The following HECW1 variants were observed in gnomAD, a reference collection of about 807,000 sequenced individuals.
The protein encoded by HECW1 is E3 ubiquitin-protein ligase HECW1.
A neutral mutation model predicts 182.3 loss-of-function variants in HECW1; 61 were observed. The ratio of observed to expected loss-of-function variants is 0.33; its 90% CI spans 0.27 to 0.41. The LOEUF is 0.41. Ranked by LOEUF, HECW1 falls within the 10% of genes least tolerant of loss-of-function variation. HECW1 has a pLI of 1.00. For synonymous variants in HECW1, 859 were observed against 832.6 expected, an observed-to-expected ratio of 1.03 and a Z score of -0.55; for missense variants, 1,739 against 2,108.9, an observed-to-expected ratio of 0.82 and a Z score of 3.44.
chr7:43,450,887 G>A lies in HECW1; in HGVS notation c.2458G>A (p.Glu820Lys). 6.2e-7 allele frequency: 1 copy of A among 1,613,616 alleles called. No homozygotes were observed. Among genetic ancestry groups the A allele is most frequent in the Non-Finnish European group, 8.5e-7 (1 of 1,179,590 alleles). Residue 820 changes from glutamate (E) to lysine (K), a missense_variant, in exon 12 of 30, where the codon GAA (glutamate) becomes AAA (lysine). Around this residue, in one of 5 missense-constraint regions of HECW1, gnomAD observed 971 missense variants for 1,029.1 expected, o/e 0.94. Coordinates refer to ENST00000395891, the MANE Select transcript of HECW1 (RefSeq NM_015052.5). Reference protein sequence around the residue: ...PVSQLPSLRPEHHHYPTIDEP... With the variant: ...PVSQLPSLRPKHHHYPTIDEP... The stretch of plus-strand genomic sequence containing the variant: ...AAGCCAGCTTCCTTCCCTGAGGCCT[G>A]AACATCATCACTACCCAACAATCGA...
chr7:43,270,976 A>AGG (rs111641663), intron 3 of HECW1, among the ~76,000 whole-genome samples: 2,682 of 152,284 alleles, frequency 0.018, 75 homozygotes, highest in African/African-American at 0.06. Flanking sequence ...AGAAATTGAG[A>AGG]GGTACATCAT....
Position 43,507,225 on chromosome 7 carries a change from C to G in HECW1, c.3720C>G (p.Ala1240=). 6.2e-7 allele frequency: 1 copy of G among 1,613,858 alleles called. No individual in the cohort carries two copies. Among genetic ancestry groups the G allele is most frequent in the Non-Finnish European group, 8.5e-7 (1 of 1,179,782 alleles). ...GCAATTTCTACAGAAAACTGGAAGC[C>G]AAAGGATTTGGTCAGGGTCCGGGGA... ...KLRNFYRKLE[A]KGFGQGPGKI... is the part of the protein sequence containing the mutation. Residue 1240 remains alanine, a synonymous_variant, in exon 22 of 30, where the codon GCC becomes GCG. Transcript: ENST00000395891.
chr7:43,399,412 C>T (rs2075332366), intron 7 of HECW1, among the ~76,000 whole-genome samples: 1 of 152,156 alleles, frequency 6.6e-6, no homozygotes, highest in Non-Finnish European at 1.5e-5. Flanking sequence ...TATTGAAATG[C>T]TTAAGAAATA....
At chr7:43,160,952 T>G (rs6972287) in intron 2 of HECW1, among the ~76,000 whole-genome samples, 41,612 of 151,926 alleles carry the variant, frequency 0.27, 5,819 homozygotes, top group East Asian at 0.33. Flanking sequence ...TTATTTAAAT[T>G]TTATAACATC....
chr7:43,561,753 A>T (rs1563130304), intron 29 of HECW1, 62 bp from the exon 30 acceptor site: 1 of 1,148,472 alleles, frequency 8.7e-7, no homozygotes. Flanking sequence ...AGACAGTCAC[A>T]GATCCAGAAC....
chr7:43,383,116 AT>A (rs575439832), intron 6 of HECW1, among the ~76,000 whole-genome samples: 16 of 152,108 alleles, frequency 1.1e-4, no homozygotes, highest in South Asian at 8.3e-4. Context: ...TGAACTCATT[AT>A]TTTTTTATGG....
At chr7:43,247,214 A>G (rs1438999646) in intron 3 of HECW1, among the ~76,000 whole-genome samples, 1 of 152,232 alleles carries the variant, frequency 6.6e-6, no homozygotes, top group Non-Finnish European at 1.5e-5. Context: ...AGGTAGAGGA[A>G]TGAAGGGAGG....
chr7:43,236,914 C>A (rs1258449678), intron 2 of HECW1, among the ~76,000 whole-genome samples: 2 of 151,990 alleles, frequency 1.3e-5, no homozygotes, highest in Admixed American at 1.3e-4. Context: ...GCCATAGTTG[C>A]CACCTTGAGT....
chr7:43,438,125 C>A lies in HECW1; in HGVS notation c.924C>A (p.Leu308=), dbSNP rs938152721. ...LGKLSMPVQR[L]LERHAIGDRV... ...AGCTGTCGATGCCCGTTCAAAGACT[C>A]CTGGAGAGACACGCCATAGGGTAAA... is the stretch of plus-strand genomic sequence containing the variant. Residue 308 remains leucine (L), a synonymous_variant, in exon 9 of 30, where the codon CTC becomes CTA. Transcript: ENST00000395891. 54 of 1,614,030 alleles carry A rather than the reference C, an allele frequency of 3.3e-5. No individual in the cohort carries two copies. Among genetic ancestry groups the A allele is most frequent in the Non-Finnish European group, 4.6e-5 (54 of 1,180,002 alleles).
At chr7:43,258,198 C>T (rs112883775) in intron 3 of HECW1, among the ~76,000 whole-genome samples, 30 of 151,786 alleles carry the variant, frequency 2.0e-4, no homozygotes, top group Admixed American at 1.3e-4. Flanking sequence ...AAAAATTAGC[C>T]GGGTGTGGTG....
At chr7:43,309,544 C>T (rs1808239100) in intron 3 of HECW1, among the ~76,000 whole-genome samples, 1 of 152,158 alleles carries the variant, frequency 6.6e-6, no homozygotes, top group Admixed American at 6.5e-5. Flanking sequence ...AAGAGAAAGA[C>T]CCTACAATCC....
At position 43,493,073 on chromosome 7, in the gene HECW1, G is replaced by A. The variant is rs749444329; in HGVS notation, c.3341-11G>A. On this transcript the variant is annotated splice_polypyrimidine_tract_variant and intron_variant, in intron 18 of 29. Transcript: ENST00000395891. ...CAGACTCAACCACAACTGTGCTTTT[G>A]TCTGTTTCAGCATATAATGACAAGA... 126 of 1,599,558 alleles carry A rather than the reference G, an allele frequency of 7.9e-5. No individual in the cohort carries two copies. The highest frequency in any genetic ancestry group is 1.0e-4 in the Non-Finnish European group (120 of 1,167,612).
intron 2 of HECW1, among the ~76,000 whole-genome samples, chr7:43,186,758 C>T (rs1793449961): frequency 2.0e-5 from 3 of 152,150 alleles, no homozygotes; most frequent in South Asian, 4.2e-4. Context: ...AAATACTTAC[C>T]ATTGCATTAC....
chr7:43,425,769 T>C (rs2076345189), intron 8 of HECW1, among the ~76,000 whole-genome samples: 2 of 152,144 alleles, frequency 1.3e-5, no homozygotes, highest in Non-Finnish European at 2.9e-5. Flanking sequence ...ATTAATGCCT[T>C]CAATAATAGC....
chr7:43,451,054 C>G lies in HECW1; in HGVS notation c.2500+125C>G, dbSNP rs555209930. 253 of 661,732 alleles carry G rather than the reference C, an allele frequency of 3.8e-4. 1 individual carries two copies. Among genetic ancestry groups the G allele is most frequent in the Non-Finnish European group, 5.9e-4 (223 of 379,722 alleles). 41.0% of individuals were successfully genotyped at this position (661,732 alleles called of 1,614,324 possible). Reference sequence around the variant, plus strand: ...CCGTGCCTTACAGTGTTAACAAAGACCAATATGACACCTGCTCTAAAAACT... The same window carrying G: ...CCGTGCCTTACAGTGTTAACAAAGAGCAATATGACACCTGCTCTAAAAACT... On this transcript the variant is annotated intron_variant, in intron 12 of 29. Transcript: ENST00000395891.
intron 17 of HECW1, among the ~76,000 whole-genome samples, chr7:43,490,747 G>GT (rs773240071): frequency 4.6e-5 from 7 of 151,940 alleles, no homozygotes; most frequent in Non-Finnish European, 1.0e-4. Context: ...AGCTAAGTTA[G>GT]TTTTTTTGTT....
At chr7:43,170,294 A>G (rs183678081) in intron 2 of HECW1, among the ~76,000 whole-genome samples, 2 of 152,312 alleles carry the variant, frequency 1.3e-5, no homozygotes, top group African/African-American at 4.8e-5. Flanking sequence ...TTACAATGTA[A>G]TAATAGTAGA....
At chr7:43,217,193 T>C (rs2152699947) in intron 2 of HECW1, among the ~76,000 whole-genome samples, 1 of 152,332 alleles carries the variant, frequency 6.6e-6, no homozygotes, top group Admixed American at 6.5e-5. Context: ...AATTTTTTAA[T>C]ACTGGAATAA....
At chr7:43,474,875 G>C (rs971655852) in intron 16 of HECW1, among the ~76,000 whole-genome samples, 11 of 152,186 alleles carry the variant, frequency 7.2e-5, no homozygotes, top group African/African-American at 2.7e-4. Flanking sequence ...AGTGAAATAA[G>C]CAAGACACAG....
Sources: gnomAD v4.1 joint callset for allele counts (sites outside exome capture counted in the v4.1 genomes callset) on GRCh38, gnomAD v4.1.1 for gene constraint, gnomAD v4.1.1 regional missense constraint, MANE v1.5 for transcripts, NCBI Gene and HGNC (gene_info 2026-07-23, HGNC 2026-07-21) for gene names.